FOXP2: variants seen among roughly 807,000 people sequenced by gnomAD.
FOXP2 encodes the protein forkhead box P2.
Under a neutral mutation model 115.8 loss-of-function variants are expected in FOXP2, and 12 were observed. The ratio of observed to expected loss-of-function variants is 0.10; its 90% confidence interval spans 0.07 to 0.17. The LOEUF (loss-of-function observed/expected upper bound fraction) is 0.17. Among genes scored for constraint, FOXP2 ranks in the 10% least tolerant of loss-of-function variants. The pLI is 1.00. For synonymous variants in FOXP2, 328 were observed against 297.7 expected (o/e 1.10, Z -1.05); for missense variants, 629 against 843.5 (o/e 0.75, Z 3.15).
chr7:114,483,899 T>C (rs1796662555), intron 2 of FOXP2, among the ~76,000 whole-genome samples: 2 of 151,764 alleles, frequency 1.3e-5, no homozygotes, highest in South Asian at 2.1e-4. Context: ...CATCCTCTCC[T>C]TATTATAATT....
intron 2 of FOXP2, among the ~76,000 whole-genome samples, chr7:114,394,832 A>G (rs1792699996): frequency 6.6e-6 from 1 of 152,220 alleles, no homozygotes; most frequent in African/African-American, 2.4e-5. Flanking sequence ...AGCTGACTAA[A>G]GAGACATGAA....
chr7:114,266,555 A>C (rs1355642781), intron 1 of FOXP2, among the ~76,000 whole-genome samples: 4 of 152,072 alleles, frequency 2.6e-5, no homozygotes, highest in African/African-American at 7.2e-5. Flanking sequence ...AAGCCACCAG[A>C]TGTCATGAGA....
At chr7:114,621,367 G>A (rs1313642578) in intron 3 of FOXP2, among the ~76,000 whole-genome samples, 3 of 151,912 alleles carry the variant, frequency 2.0e-5, no homozygotes, top group Admixed American at 1.3e-4. Flanking sequence ...GGATATTATG[G>A]TTCTTTCACC....
chr7:114,510,488 T>C (rs762687873), intron 2 of FOXP2, among the ~76,000 whole-genome samples: 15 of 152,208 alleles, frequency 9.9e-5, no homozygotes, highest in Non-Finnish European at 2.1e-4. Context: ...TAACTGTTGC[T>C]TCTGTGAAAG....
intron 2 of FOXP2, among the ~76,000 whole-genome samples, chr7:114,513,465 T>C (rs1022318376): frequency 6.6e-6 from 1 of 152,168 alleles, no homozygotes; most frequent in Non-Finnish European, 1.5e-5. Flanking sequence ...TAGATATTCT[T>C]AGACCCCACC....
At position 114,243,752 on chromosome 7, in the gene FOXP2, T is replaced by TGA. The variant is rs201324079; in HGVS notation, c.-101-44257_-101-44256dup. 4.6e-5 allele frequency among the ~76,000 whole-genome samples: 7 copies of TGA among 151,928 alleles called. No homozygotes were observed. The East Asian group carries it at 9.6e-4, about 21-fold the overall frequency. On this transcript the variant is annotated intron_variant, in intron 1 of 17. Transcript: ENST00000634411. Reference sequence around the variant, plus strand: ...TTTCTTGGAAATTTCTCTGGGTATGTGAGAGAGAGAGGGAGAAATTCTCAG... The same window carrying TGA: ...TTTCTTGGAAATTTCTCTGGGTATGTGAGAGAGAGAGAGGGAGAAATTCTCAG...
At chr7:114,314,954 G>A (rs995665325) in intron 2 of FOXP2, among the ~76,000 whole-genome samples, 2 of 152,052 alleles carry the variant, frequency 1.3e-5, no homozygotes, top group South Asian at 2.1e-4. Context: ...ATGCATTGCT[G>A]TTTACTTCTG....
chr7:114,359,186 G>C (rs1791687486), intron 2 of FOXP2, among the ~76,000 whole-genome samples: 1 of 152,186 alleles, frequency 6.6e-6, no homozygotes. Context: ...TCAGGTCATT[G>C]CTTCAGAGGG....
chr7:114,335,716 G>C (rs1382054117), intron 2 of FOXP2, among the ~76,000 whole-genome samples: 1 of 151,678 alleles, frequency 6.6e-6, no homozygotes, highest in Non-Finnish European at 1.5e-5. Flanking sequence ...AATATTTAAA[G>C]GGTTCATTAA....
intron 1 of FOXP2, among the ~76,000 whole-genome samples, chr7:114,156,516 C>T (rs1792676006): frequency 6.6e-6 from 1 of 152,130 alleles, no homozygotes; most frequent in African/African-American, 2.4e-5. Flanking sequence ...TTGAATCCAC[C>T]TATGACCGGG....
At chr7:114,386,572 A>G (rs79001196) in intron 2 of FOXP2, among the ~76,000 whole-genome samples, 11,749 of 152,240 alleles carry the variant, frequency 0.077, 489 homozygotes, top group Middle Eastern at 0.15. Context: ...TGGGAGTCAT[A>G]TTCATCCTTC....
At chr7:114,567,456 A>G (rs768800805) in intron 3 of FOXP2, among the ~76,000 whole-genome samples, 5 of 152,150 alleles carry the variant, frequency 3.3e-5, no homozygotes, top group Non-Finnish European at 7.4e-5. Flanking sequence ...GTTCAGCACT[A>G]AATGACTTAC....
chr7:114,422,998 A>C (rs1459636093), intron 1 of FOXP2, among the ~76,000 whole-genome samples: 2 of 151,750 alleles, frequency 1.3e-5, no homozygotes, highest in African/African-American at 4.8e-5. Context: ...CACTGTTGTG[A>C]CTATAACAGG....
At chr7:114,186,741 G>T (rs952103355) in intron 1 of FOXP2, among the ~76,000 whole-genome samples, 1 of 152,136 alleles carries the variant, frequency 6.6e-6, no homozygotes, top group Non-Finnish European at 1.5e-5. Context: ...TTAATATCTA[G>T]GTGGAGGACA....
chr7:114,533,435 G>C (rs1299898977), intron 2 of FOXP2, among the ~76,000 whole-genome samples: 2 of 151,882 alleles, frequency 1.3e-5, no homozygotes, highest in African/African-American at 4.8e-5. Flanking sequence ...CCAGCTGGCA[G>C]TGTAATGCCA....
chr7:114,674,490 C>T (rs562474080), intron 16 of FOXP2, among the ~76,000 whole-genome samples: 18 of 152,144 alleles, frequency 1.2e-4, no homozygotes, highest in Non-Finnish European at 2.1e-4. Flanking sequence ...GAGTACTGTC[C>T]TACTGGCAGC....
intron 1 of FOXP2, among the ~76,000 whole-genome samples, chr7:114,286,898 T>C (rs1355604324): frequency 6.6e-6 from 1 of 152,052 alleles, no homozygotes; most frequent in Non-Finnish European, 1.5e-5. Context: ...TAAGGTTTTA[T>C]TGCAAGAAAG....
intron 2 of FOXP2, among the ~76,000 whole-genome samples, chr7:114,471,934 C>T (rs1488765278): frequency 2.0e-5 from 3 of 149,980 alleles, no homozygotes; most frequent in Non-Finnish European, 3.0e-5. Flanking sequence ...CACTCCAGCC[C>T]GGGCAACTGA....
At chr7:114,482,473 A>G (rs993155128) in intron 2 of FOXP2, among the ~76,000 whole-genome samples, 1 of 151,580 alleles carries the variant, frequency 6.6e-6, no homozygotes, top group Non-Finnish European at 1.5e-5. Flanking sequence ...TTAAAACTGC[A>G]TATTATTTTA....
Sources: gnomAD v4.1 joint callset for allele counts (sites outside exome capture counted in the v4.1 genomes callset) on GRCh38, gnomAD v4.1.1 for gene constraint, MANE v1.5 for transcripts, NCBI Gene and HGNC (gene_info 2026-07-23, HGNC 2026-07-21) for gene names.